FANCI: variants seen among roughly 807,000 people sequenced by gnomAD.
FANCI encodes the protein Fanconi anemia group I protein.
A neutral mutation model predicts 176.1 loss-of-function variants in FANCI; 156 were observed. That is an observed-to-expected ratio of 0.89 (90% confidence interval 0.78 to 1.01). FANCI has a LOEUF of 1.01. FANCI is among the 50% of genes least tolerant of loss of function. The pLI, the probability that FANCI is intolerant of heterozygous loss-of-function variation, is 0.00. For missense variants in FANCI, 1,678 were observed against 1,534.1 expected (o/e 1.09, Z -1.57); for synonymous variants, 613 against 541.7 (o/e 1.13, Z -1.83).
In FANCI at chr15:89,301,345, T is replaced by G. The variant is rs376798440; in HGVS notation, c.2909T>G (p.Leu970Arg). Residue 970 changes from leucine (L) to arginine (R), a missense_variant, in exon 27 of 38, where the codon CTT becomes CGT. By Grantham distance (102) the Leu-to-Arg change is moderately radical (BLOSUM62 -2). This residue lies in a region of FANCI where 1,204 missense variants were observed against 1,077.4 expected (regional missense o/e 1.12). Transcript: ENST00000310775. ...RQFQRSLLNL[L>R]SSQEEDFNSK... The stretch of plus-strand genomic sequence containing the variant: ...TCTCAGAGGTCCTTGTTGAATTTAC[T>G]TAGCAGTCAAGAGGAAGATTTTAAT... 4.3e-6 allele frequency: 7 copies of G among 1,613,812 alleles called. No individual in the cohort carries two copies. The highest frequency in any genetic ancestry group is 5.9e-6 in the Non-Finnish European group (7 of 1,179,696).
rs908234860 is a variant in FANCI, at chr15:89,317,038, G to A, written c.*579G>A. 1.7e-6 allele frequency: 1 copy of A among 599,062 alleles called. No homozygotes were observed. Among genetic ancestry groups the A allele is most frequent in the South Asian group, 2.0e-5 (1 of 49,288 alleles). 37.1% of individuals were successfully genotyped at this position (599,062 alleles called of 1,614,324 possible). ...ATTTTAAATAGAAAATAAGCTTTCT[G>A]ATTTACTTGTTTGGTATTTAAAGCA... is the stretch of plus-strand genomic sequence containing the variant. On this transcript the variant is annotated 3_prime_UTR_variant, in exon 38 of 38. Coordinates refer to ENST00000310775, the MANE Select transcript of FANCI (RefSeq NM_001113378.2).
intron 16 of FANCI, chr15:89,282,382 A>T (rs1408727222): frequency 6.1e-6 from 1 of 164,478 alleles, no homozygotes; most frequent in Non-Finnish European, 1.3e-5. Context: ...TTTTATTTGT[A>T]GCTTAGCCAG....
At chr15:89,270,186 G>C (rs939774095) in intron 10 of FANCI, among the ~76,000 whole-genome samples, 2 of 152,146 alleles carry the variant, frequency 1.3e-5, no homozygotes, top group African/African-American at 4.8e-5. Context: ...CACAAAAACA[G>C]GTAGTGGGTT....
intron 20 of FANCI, 33 bp from the exon 21 acceptor site, chr15:89,292,655 A>C: frequency 6.2e-7 from 1 of 1,600,972 alleles, no homozygotes; most frequent in Non-Finnish European, 8.5e-7. Context: ...ATCAACACTC[A>C]AGAGTATTTA....
rs753121112 is a variant in FANCI at position 89,292,842 on chromosome 15, G to A, written c.2147G>A (p.Ser716Asn). The change falls in exon 21 of 38, where the codon AGT (serine) becomes AAT (asparagine). Residue 716 changes from serine (S) to asparagine (N), a missense_variant. By Grantham distance (46) the Ser-to-Asn change is conservative. Around this residue, in one of 3 missense-constraint regions of FANCI, gnomAD observed 1,204 missense variants for 1,077.4 expected, o/e 1.12. Transcript: ENST00000310775. ...TCCATTACTAATAGAATGATTAAGAGTGAGCTGGAAGACTTTGAACTGGTA... is the reference window on the plus strand; with the variant it reads ...TCCATTACTAATAGAATGATTAAGAATGAGCTGGAAGACTTTGAACTGGTA... Reference protein sequence around the residue: ...LESITNRMIKSELEDFELDKS... With the variant: ...LESITNRMIKNELEDFELDKS... 5 of 1,614,114 alleles carry A rather than the reference G, an allele frequency of 3.1e-6. No individual in the cohort carries two copies. The highest frequency in any genetic ancestry group is 1.1e-5 in the South Asian group (1 of 91,078).
chr15:89,299,558 A>G (rs936922087), intron 24 of FANCI, among the ~76,000 whole-genome samples: 7 of 152,226 alleles, frequency 4.6e-5, no homozygotes, highest in African/African-American at 1.7e-4. Flanking sequence ...GTAGAAAGTA[A>G]AACCATAGGG....
chr15:89,276,573 G>A, intron 12 of FANCI, 138 bp from the exon 13 acceptor site: 2 of 877,392 alleles, frequency 2.3e-6, no homozygotes, highest in South Asian at 1.5e-5. Context: ...CAGACGATGT[G>A]TGTAAAGAAA....
chr15:89,300,884 C>G (rs2054501414), intron 26 of FANCI, among the ~76,000 whole-genome samples: 1 of 152,200 alleles, frequency 6.6e-6, no homozygotes, highest in South Asian at 2.1e-4. Flanking sequence ...ACAAAAGAGA[C>G]AAAATATTCC....
At chr15:89,291,934 C>G (rs2054085674) in intron 20 of FANCI, among the ~76,000 whole-genome samples, 1 of 152,220 alleles carries the variant, frequency 6.6e-6, no homozygotes, top group African/African-American at 2.4e-5. Flanking sequence ...GCTTCCATCA[C>G]TTCCCCCAGA....
rs573093408 is a variant in FANCI at position 89,262,900 on chromosome 15, T to C, written c.504-519T>C. On this transcript the variant is annotated intron_variant, in intron 6 of 37. Transcript: ENST00000310775. ...CAAAGAGTGTTGCAATGAATGTCTT[T>C]TTTAATTTTAAATAGAGATGGGAAT... 6.6e-4 allele frequency among the ~76,000 whole-genome samples: 101 copies of C among 152,384 alleles called. 1 individual carries two copies. Among genetic ancestry groups the C allele is most frequent in the Middle Eastern group, 3.4e-3 (1 of 294 alleles).
Position 89,306,175 on chromosome 15 carries a change from T to C in FANCI, c.3518T>C (p.Leu1173Pro). 1 of 1,614,126 alleles carries C rather than the reference T, an allele frequency of 6.2e-7. No homozygotes were observed. Among genetic ancestry groups the C allele is most frequent in the Non-Finnish European group, 8.5e-7 (1 of 1,179,996 alleles). ...LKDLCKMYTT[L>P]TALVRYYLQV... The stretch of plus-strand genomic sequence containing the variant: ...GACTTGTGCAAAATGTACACCACAC[T>C]TACAGCCCTTGTCAGATATGTGAGT... The change falls in exon 32 of 38, where the codon CTT (leucine) becomes CCT (proline). Residue 1173 changes from leucine to proline, a missense_variant. Physicochemically the swap from Leu to Pro is moderately conservative, Grantham distance 98. Around this residue, in one of 3 missense-constraint regions of FANCI, gnomAD observed 1,204 missense variants for 1,077.4 expected, o/e 1.12. Transcript: ENST00000310775.
chr15:89,278,854 AAATTTT>A (rs2053503589), intron 14 of FANCI, 80 bp downstream of exon 14: 2 of 1,126,588 alleles, frequency 1.8e-6, no homozygotes, highest in Non-Finnish European at 1.3e-6. Flanking sequence ...CCTGGGAAAA[AAATTTT>A]AATGAGCATT....
Position 89,295,002 on chromosome 15 carries a change from G to C in FANCI, c.2544G>C (p.Gln848His), listed in dbSNP as rs777269384. The C allele has an allele frequency of 6.4e-7, 1 of 1,552,196 alleles. No homozygotes were observed. Among genetic ancestry groups the C allele is most frequent in the African/African-American group, 1.4e-5 (1 of 73,014 alleles). Reference protein sequence around the residue: ...FMRYAVNVALQKVQQLKETGH... With the variant: ...FMRYAVNVALHKVQQLKETGH... ...GCTATGCAGTGAATGTAGCTCTGCA[G>C]AAAGTACAGCAGCTAAAGGAAACAG... The change falls in exon 24 of 38, where the codon CAG (glutamine) becomes CAC (histidine). Residue 848 changes from glutamine (Q) to histidine (H), a missense_variant. Physicochemically the swap from Gln to His is conservative, Grantham distance 24. This residue lies in a region of FANCI where 1,204 missense variants were observed against 1,077.4 expected (regional missense o/e 1.12). Coordinates refer to ENST00000310775, the MANE Select transcript of FANCI (RefSeq NM_001113378.2).
At chr15:89,298,405 G>A (rs373286504) in intron 24 of FANCI, among the ~76,000 whole-genome samples, 54 of 152,244 alleles carry the variant, frequency 3.5e-4, no homozygotes, top group African/African-American at 7.9e-4. Context: ...TCAAAAAGTC[G>A]TCAGGGAAAT....
intron 28 of FANCI, among the ~76,000 whole-genome samples, chr15:89,304,729 A>G (rs1418103672): frequency 6.6e-6 from 1 of 151,794 alleles, no homozygotes; most frequent in South Asian, 2.1e-4. Context: ...ACTCCACCCC[A>G]CACACCCTGT....
intron 5 of FANCI, 25 bp from the exon 6 acceptor site, chr15:89,261,796 T>C: frequency 6.2e-7 from 1 of 1,614,112 alleles, no homozygotes; most frequent in Non-Finnish European, 8.5e-7. Flanking sequence ...TCAAATTCAT[T>C]GCTCAGTATA....
rs184385643 is a variant in FANCI, at chr15:89,271,846, G to A, written c.883-1531G>A. Among the ~76,000 whole-genome samples, 22 of 152,272 alleles carry A rather than the reference G, an allele frequency of 1.4e-4. No homozygotes were observed. In the East Asian group the frequency reaches 2.3e-3, roughly 16 times the overall value. On this transcript the variant is annotated intron_variant, in intron 10 of 37. Coordinates refer to ENST00000310775, the MANE Select transcript of FANCI (RefSeq NM_001113378.2). Reference sequence around the variant, plus strand: ...GGATATATATGAGTTTTGTTTAGCAGTCTCCCAGCTGGTGGACATTTGAAT... The same window carrying A: ...GGATATATATGAGTTTTGTTTAGCAATCTCCCAGCTGGTGGACATTTGAAT...
chr15:89,300,377 C>T lies in FANCI; in HGVS notation c.2881C>T (p.Gln961Ter). The change falls in exon 26 of 38, where the codon CAA (glutamine) becomes TAA (stop). Residue 961 changes from glutamine to a stop codon, truncating the protein, a stop_gained. Coordinates refer to ENST00000310775, the MANE Select transcript of FANCI (RefSeq NM_001113378.2). LOFTEE classifies it high-confidence loss of function. The stretch of plus-strand genomic sequence containing the variant: ...TCAGAGAACAGCATTCCAGATCCGG[C>T]AATTTCAGGTGAGAAGCCTTGCAAA... ...VTQRTAFQIR[Q>*]FQRSLLNLLS... 6.2e-7 allele frequency: 1 copy of T among 1,613,676 alleles called. No individual in the cohort carries two copies. Among genetic ancestry groups the T allele is most frequent in the Middle Eastern group, 1.7e-4 (1 of 6,058 alleles).
At chr15:89,304,298 T>C (rs2054631978) in intron 28 of FANCI, among the ~76,000 whole-genome samples, 1 of 152,186 alleles carries the variant, frequency 6.6e-6, no homozygotes, top group Non-Finnish European at 1.5e-5. Flanking sequence ...AATTATGATA[T>C]ATTCACACAG....
Sources: gnomAD v4.1 joint callset for allele counts (sites outside exome capture counted in the v4.1 genomes callset) on GRCh38, gnomAD v4.1.1 for gene constraint, gnomAD v4.1.1 regional missense constraint, MANE v1.5 for transcripts, NCBI Gene and HGNC (gene_info 2026-07-23, HGNC 2026-07-21) for gene names.